ARL6IP6: variants seen among roughly 807,000 people sequenced by gnomAD.
ARL6IP6 encodes the protein ADP-ribosylation factor-like protein 6-interacting protein 6.
ARL6IP6 carries 22 observed loss-of-function variants against 21.5 expected under a neutral mutation model. The observed-to-expected ratio is 1.02, with a 90% CI of 0.73 to 1.46. The LOEUF is 1.46. ARL6IP6 is among the 40% of genes most tolerant of loss of function. The pLI is 0.00. For missense variants in ARL6IP6, 388 were observed against 299.8 expected, an observed-to-expected ratio of 1.29 and a Z score of -2.17; for synonymous variants, 164 against 125.3, an observed-to-expected ratio of 1.31 and a Z score of -2.06.
intron 1 of ARL6IP6, chr2:152,719,870 G>C (rs1337353476): frequency 6.4e-6 from 3 of 466,838 alleles, no homozygotes; most frequent in South Asian, 4.7e-5. Flanking sequence ...TTTAACTCCA[G>C]TTTTTATTTG....
intron 2 of ARL6IP6, among the ~76,000 whole-genome samples, chr2:152,730,256 G>A (rs1294155587): frequency 6.6e-6 from 1 of 152,166 alleles, no homozygotes; most frequent in African/African-American, 2.4e-5. Flanking sequence ...AAGCACTCAA[G>A]TGAAAAAGTT....
chr2:152,762,173 C>T lies in ARL6IP6; in HGVS notation c.*2333C>T, dbSNP rs971634368. On this transcript the variant is annotated 3_prime_UTR_variant, in exon 4 of 4. Transcript: ENST00000326446. ...GAGAAATGACTTCAGTGAAGTATGT[C>T]TCTTCCCAGGATTTTTCAGCTTGAA... 6.6e-6 allele frequency among the ~76,000 whole-genome samples: 1 copy of T among 152,172 alleles called. No homozygotes were observed. Among genetic ancestry groups the T allele is most frequent in the Non-Finnish European group, 1.5e-5 (1 of 68,032 alleles).
At chr2:152,744,315 A>G (rs1700949164) in intron 3 of ARL6IP6, among the ~76,000 whole-genome samples, 1 of 152,130 alleles carries the variant, frequency 6.6e-6, no homozygotes, top group East Asian at 1.9e-4. Flanking sequence ...TTGAATAATT[A>G]CATTTGTGCA....
intron 3 of ARL6IP6, among the ~76,000 whole-genome samples, chr2:152,755,588 C>G (rs1032021278): frequency 6.6e-6 from 1 of 152,218 alleles, no homozygotes; most frequent in Admixed American, 6.5e-5. Flanking sequence ...TCTCTCTCTG[C>G]CTTGGCTGCC....
intron 3 of ARL6IP6, among the ~76,000 whole-genome samples, chr2:152,757,774 G>A (rs1701654315): frequency 6.6e-6 from 1 of 152,174 alleles, no homozygotes; most frequent in South Asian, 2.1e-4. Context: ...TGGTACATTT[G>A]AGATGACAAA....
At chr2:152,728,386 T>G (rs1700143696) in intron 2 of ARL6IP6, among the ~76,000 whole-genome samples, 2 of 152,136 alleles carry the variant, frequency 1.3e-5, no homozygotes, top group African/African-American at 4.8e-5. Context: ...GAGAGTTTTG[T>G]TTTTTTCTGG....
intron 3 of ARL6IP6, among the ~76,000 whole-genome samples, chr2:152,739,083 T>C (rs1207791935): frequency 6.6e-6 from 1 of 151,702 alleles, no homozygotes; most frequent in Non-Finnish European, 1.5e-5. Context: ...CCTGGGTTCA[T>C]GCCATTCTCC....
At chr2:152,758,005 T>C (rs948111185) in intron 3 of ARL6IP6, among the ~76,000 whole-genome samples, 1 of 152,180 alleles carries the variant, frequency 6.6e-6, no homozygotes, top group African/African-American at 2.4e-5. Flanking sequence ...CAATTAACTC[T>C]GGAAACCTTT....
chr2:152,758,240 G>T (rs965740548), intron 3 of ARL6IP6, among the ~76,000 whole-genome samples: 4 of 151,318 alleles, frequency 2.6e-5, no homozygotes, highest in Admixed American at 2.0e-4. Context: ...ATAAATAGTT[G>T]TTTTATTGTT....
intron 3 of ARL6IP6, among the ~76,000 whole-genome samples, chr2:152,756,567 C>A (rs1701602350): frequency 6.6e-6 from 1 of 151,896 alleles, no homozygotes; most frequent in South Asian, 2.1e-4. Flanking sequence ...CAACACGTAT[C>A]TTTAACAAAA....
At chr2:152,732,052 T>A (rs1316411989) in intron 2 of ARL6IP6, among the ~76,000 whole-genome samples, 1 of 152,046 alleles carries the variant, frequency 6.6e-6, no homozygotes, top group African/African-American at 2.4e-5. Context: ...ACTGATAATT[T>A]AGGTTGTTTT....
chr2:152,743,069 G>A (rs73971964), intron 3 of ARL6IP6, among the ~76,000 whole-genome samples: 385 of 149,914 alleles, frequency 2.6e-3, no homozygotes, highest in African/African-American at 9.1e-3. Context: ...TTGCTATGTG[G>A]CAGTTTTGCC....
chr2:152,742,597 CT>C (rs1700867060), intron 3 of ARL6IP6, among the ~76,000 whole-genome samples: 1 of 136,228 alleles, frequency 7.3e-6, no homozygotes, highest in Non-Finnish European at 1.6e-5. Flanking sequence ...AAAAAAAGAA[CT>C]TTGGGGTTCA....
At chr2:152,735,727 C>T (rs58371221) in intron 3 of ARL6IP6, among the ~76,000 whole-genome samples, 24 of 152,034 alleles carry the variant, frequency 1.6e-4, no homozygotes, top group African/African-American at 4.8e-4. Flanking sequence ...ATATAAATTC[C>T]GAAATAAGAA....
At chr2:152,717,676 C>T (rs1259534441), upstream of ARL6IP6, 2 of 1,414,254 alleles carry the variant, frequency 1.4e-6, no homozygotes, top group African/African-American at 1.5e-5. Flanking sequence ...TGCGCCGAGT[C>T]CTCCGTCGGG....
rs536628489 is a variant in ARL6IP6 at position 152,757,280 on chromosome 2, T to C, written c.588-2467T>C. 2.6e-5 allele frequency among the ~76,000 whole-genome samples: 4 copies of C among 152,296 alleles called. No homozygotes were observed. In the South Asian group the frequency reaches 6.2e-4, roughly 24 times the overall value. ...GGATCTTTTTGCAGTGCCAGAAATG[T>C]TCTCTATCTTTATGTGGTTGGTGAG... On this transcript the variant is annotated intron_variant, in intron 3 of 3. Coordinates refer to ENST00000326446, the MANE Select transcript of ARL6IP6 (RefSeq NM_152522.7).
At chr2:152,747,184 G>T (rs1024924172) in intron 3 of ARL6IP6, among the ~76,000 whole-genome samples, 2 of 152,064 alleles carry the variant, frequency 1.3e-5, no homozygotes, top group African/African-American at 4.8e-5. Context: ...ACTAATGAAA[G>T]GAATTATTAT....
At chr2:152,735,227 T>C (rs16831719) in intron 3 of ARL6IP6, 101 bp downstream of exon 3, 24,140 of 1,328,612 alleles carry the variant, frequency 0.018, 587 homozygotes, top group African/African-American at 0.11. Context: ...TATGTTGAGG[T>C]TTCAGTCTTT....
chr2:152,750,841 A>G (rs1270332536), intron 3 of ARL6IP6, among the ~76,000 whole-genome samples: 1 of 152,266 alleles, frequency 6.6e-6, no homozygotes, highest in Admixed American at 6.5e-5. Context: ...GTATTTAAGT[A>G]CATGGAGAGA....
Sources: gnomAD v4.1 joint callset for allele counts (sites outside exome capture counted in the v4.1 genomes callset) on GRCh38, gnomAD v4.1.1 for gene constraint, MANE v1.5 for transcripts, NCBI Gene and HGNC (gene_info 2026-07-23, HGNC 2026-07-21) for gene names.